CDH4: variants seen among roughly 807,000 people sequenced by gnomAD.
CDH4 encodes the protein cadherin-4.
In CDH4, 33 loss-of-function variants were observed where a neutral mutation model predicts 86.0. That is an observed-to-expected ratio of 0.38 (90% CI 0.29 to 0.51). The LOEUF (loss-of-function observed/expected upper bound fraction) is 0.51, where lower values mean the gene tolerates loss of function less well. Among genes scored for constraint, CDH4 ranks in the 20% least tolerant of loss-of-function variants. The pLI is 0.86. For missense variants in CDH4, 1,114 were observed against 1,307.4 expected, an observed-to-expected ratio of 0.85 and a Z score of 2.28; for synonymous variants, 555 against 549.4, an observed-to-expected ratio of 1.01 and a Z score of -0.14.
At chr20:61,638,030 T>TAAAAAAAAA (rs10664878) in intron 2 of CDH4, among the ~76,000 whole-genome samples, 23,451 of 140,494 alleles carry the variant, frequency 0.17, 2,202 homozygotes, top group South Asian at 0.25. Flanking sequence ...AAACTCCGTC[T>TAAAAAAAAA]AAAAAAAAAA....
At chr20:61,878,015 C>T (rs539961003) in intron 7 of CDH4, among the ~76,000 whole-genome samples, 2 of 152,174 alleles carry the variant, frequency 1.3e-5, no homozygotes, top group Non-Finnish European at 2.9e-5. Flanking sequence ...AGAGGGAGGA[C>T]TTCGTGGACA....
At chr20:61,883,600 T>C (rs1264746225) in intron 7 of CDH4, among the ~76,000 whole-genome samples, 1 of 152,230 alleles carries the variant, frequency 6.6e-6, no homozygotes, top group Non-Finnish European at 1.5e-5. Context: ...CTGGAACTTA[T>C]GGCTCAGAAA....
intron 2 of CDH4, among the ~76,000 whole-genome samples, chr20:61,673,255 G>C (rs991381794): frequency 6.6e-6 from 1 of 152,218 alleles, no homozygotes; most frequent in Non-Finnish European, 1.5e-5. Context: ...CATCAGAGCA[G>C]CCCTAGGAGG....
intron 2 of CDH4, among the ~76,000 whole-genome samples, chr20:61,374,159 T>C (rs2084854512): frequency 6.6e-6 from 1 of 152,154 alleles, no homozygotes; most frequent in Non-Finnish European, 1.5e-5. Context: ...GTAGCACCTA[T>C]AGGTTGGCAC....
At chr20:61,765,398 C>T (rs563597814) in intron 3 of CDH4, among the ~76,000 whole-genome samples, 1 of 152,316 alleles carries the variant, frequency 6.6e-6, no homozygotes, top group African/African-American at 2.4e-5. Context: ...CCCAGCCAGT[C>T]AATGGCTGTA....
intron 2 of CDH4, among the ~76,000 whole-genome samples, chr20:61,363,605 G>C (rs2084796113): frequency 2.0e-5 from 3 of 152,192 alleles, no homozygotes; most frequent in African/African-American, 7.2e-5. Context: ...GCTGATGCCA[G>C]GGATGAAGGG....
intron 4 of CDH4, among the ~76,000 whole-genome samples, chr20:61,790,792 T>G (rs1187230100): frequency 7.4e-6 from 1 of 134,394 alleles, no homozygotes; most frequent in Admixed American, 7.2e-5. Context: ...CTCCATCCAT[T>G]CATTCATCCA....
At chr20:61,653,985 C>T (rs879361551) in intron 2 of CDH4, among the ~76,000 whole-genome samples, 6 of 151,790 alleles carry the variant, frequency 4.0e-5, no homozygotes, top group East Asian at 3.9e-4. Context: ...AGACGAAGGG[C>T]GGCCAGGCAG....
chr20:61,348,208 A>G (rs1460137721), intron 2 of CDH4, among the ~76,000 whole-genome samples: 2 of 152,158 alleles, frequency 1.3e-5, no homozygotes, highest in African/African-American at 2.4e-5. Context: ...AAGGTCTTAC[A>G]TTCATGGTGG....
At chr20:61,524,029 G>GT (rs2085892551) in intron 2 of CDH4, among the ~76,000 whole-genome samples, 1 of 152,132 alleles carries the variant, frequency 6.6e-6, no homozygotes, top group Non-Finnish European at 1.5e-5. Context: ...GTGAACTGTA[G>GT]GGCTTCCCAA....
At chr20:61,358,415 G>T (rs1232326747) in intron 2 of CDH4, among the ~76,000 whole-genome samples, 1 of 152,176 alleles carries the variant, frequency 6.6e-6, no homozygotes, top group East Asian at 1.9e-4. Flanking sequence ...CCATTTCTTT[G>T]CCATATCCCC....
At chr20:61,399,523 C>A (rs1240305448) in intron 2 of CDH4, among the ~76,000 whole-genome samples, 1 of 152,204 alleles carries the variant, frequency 6.6e-6, no homozygotes, top group Non-Finnish European at 1.5e-5. Context: ...TGGCTCATCT[C>A]CCAGCTCCCT....
intron 2 of CDH4, among the ~76,000 whole-genome samples, chr20:61,410,172 T>C (rs2085109341): frequency 6.6e-6 from 1 of 152,208 alleles, no homozygotes; most frequent in Admixed American, 6.5e-5. Context: ...CTATATGTTA[T>C]TAGGGAAAAG....
chr20:61,811,681 GC>G lies in CDH4; in HGVS notation c.577-32986del, dbSNP rs1980443064. Among the ~76,000 whole-genome samples, 1 of 133,454 alleles carries G rather than the reference GC, an allele frequency of 7.5e-6. No homozygotes were observed. Among genetic ancestry groups the G allele is most frequent in the African/African-American group, 2.8e-5 (1 of 36,144 alleles). 87.6% of individuals were successfully genotyped at this position (133,454 alleles called of 152,430 possible). The stretch of plus-strand genomic sequence containing the variant: ...GGTCACGCCCCTGGCTGCCTACTGA[GC>G]TTTTTTTTTTTTTTTTTTGAGTTGG... On this transcript the variant is annotated intron_variant, in intron 4 of 15. Coordinates refer to ENST00000614565, the MANE Select transcript of CDH4 (RefSeq NM_001794.5). The surrounding 1 kb of genome is among the most constrained non-coding windows in gnomAD (Gnocchi z 4.4).
intron 15 of CDH4, 102 bp downstream of exon 15, chr20:61,934,322 C>T: frequency 1.5e-6 from 2 of 1,315,324 alleles, no homozygotes; most frequent in Non-Finnish European, 2.0e-6. Flanking sequence ...CCGGCGGCTG[C>T]CGTGGGTGGG....
intron 2 of CDH4, among the ~76,000 whole-genome samples, chr20:61,680,740 C>T (rs975243034): frequency 6.6e-6 from 1 of 151,566 alleles, no homozygotes; most frequent in Non-Finnish European, 1.5e-5. Flanking sequence ...GGAGCGTTGA[C>T]TCTGTAGAGA....
chr20:61,685,701 T>A (rs1435009123), intron 2 of CDH4, among the ~76,000 whole-genome samples: 2 of 152,208 alleles, frequency 1.3e-5, no homozygotes, highest in Non-Finnish European at 2.9e-5. Flanking sequence ...TCAGACCCCT[T>A]CCCGCTGTCC....
intron 4 of CDH4, among the ~76,000 whole-genome samples, chr20:61,827,455 G>A (rs772962889): frequency 4.4e-4 from 67 of 152,190 alleles, no homozygotes; most frequent in Admixed American, 7.9e-4. Context: ...TAAGTATTGA[G>A]GACCAGGATT....
chr20:61,798,744 G>A (rs565138037), intron 4 of CDH4, among the ~76,000 whole-genome samples: 11 of 152,348 alleles, frequency 7.2e-5, no homozygotes, highest in South Asian at 4.1e-4. Flanking sequence ...GGAGAGGGCC[G>A]GGCCGGCAGG....
Sources: allele counts gnomAD v4.1 joint callset (sites outside exome capture counted in the v4.1 genomes callset), GRCh38; gene constraint gnomAD v4.1.1; non-coding constraint Gnocchi (gnomAD v3.1); transcripts MANE v1.5; gene names NCBI Gene and HGNC (gene_info 2026-07-23, HGNC 2026-07-21).